HR: variants seen among roughly 807,000 people sequenced by gnomAD.
The protein encoded by HR is lysine-specific demethylase hairless.
A neutral mutation model predicts 128.6 loss-of-function variants in HR; 83 were observed. That is an observed-to-expected ratio of 0.65 (90% CI 0.54 to 0.77). The LOEUF is 0.77. Ranked by LOEUF, HR falls within the 30% of genes least tolerant of loss-of-function variation. The pLI, the probability that HR is intolerant of heterozygous loss-of-function variation, is 0.00. For missense variants in HR, 1,490 were observed against 1,574.6 expected, an observed-to-expected ratio of 0.95 and a Z score of 0.91; for synonymous variants, 681 against 658.2, an observed-to-expected ratio of 1.03 and a Z score of -0.53.
chr8:22,121,319 C>G, intron 9 of HR, 91 bp from the exon 10 acceptor site: 1 of 1,497,824 alleles, frequency 6.7e-7, no homozygotes, highest in South Asian at 1.2e-5. Context: ...TCCCTCTCTT[C>G]CTGGCTGAGC....
At chr8:22,126,805 A>G (rs551146591) in intron 3 of HR, among the ~76,000 whole-genome samples, 80 of 152,346 alleles carry the variant, frequency 5.3e-4, no homozygotes, top group African/African-American at 1.9e-3. Context: ...CTATGTCATT[A>G]TACTGCCACC....
chr8:22,123,954 A>G (rs1232868635), intron 5 of HR, 141 bp from the exon 6 acceptor site: 13 of 966,236 alleles, frequency 1.3e-5, no homozygotes, highest in Middle Eastern at 2.1e-4. Flanking sequence ...GAAGGGAGAC[A>G]GGCCCCTCGA....
At chr8:22,122,324 G>T (rs1039555408) in intron 8 of HR, among the ~76,000 whole-genome samples, 169 bp downstream of exon 8, 1 of 152,048 alleles carries the variant, frequency 6.6e-6, no homozygotes, top group East Asian at 1.9e-4. Flanking sequence ...AGGTGGGAGG[G>T]GCCAGCGCTG....
At position 22,125,341 on chromosome 8, in the gene HR, G is replaced by A. The variant is rs1015585608; in HGVS notation, c.1720C>T (p.Arg574Trp). ...DRLCRLLRRE[R>W]EALAWAQREG... ...CGCTGGGCCCAAGCCAGGGCCTCCC[G>A]CTCCCTCCGCAGCAGGCGGCACAGT... The change falls in exon 5 of 19, where the codon CGG (arginine) becomes TGG (tryptophan). Residue 574 changes from arginine (R) to tryptophan (W), a missense_variant. Arg to Trp is a moderately radical substitution (Grantham distance 101). Transcript: ENST00000381418. 19 of 1,595,750 alleles carry A rather than the reference G, an allele frequency of 1.2e-5. No homozygotes were observed. The highest frequency in any genetic ancestry group is 4.0e-5 in the African/African-American group (3 of 74,704).
chr8:22,119,617 A>AAC, intron 14 of HR, 143 bp downstream of exon 14: 19 of 181,304 alleles, frequency 1.0e-4, no homozygotes, highest in Non-Finnish European at 1.5e-4. Context: ...CAACAACAAC[A>AAC]AAAAAAAAAA....
At chr8:22,129,351 A>G (rs1170041863) in intron 1 of HR, 141 bp from the exon 2 acceptor site, 10 of 611,902 alleles carry the variant, frequency 1.6e-5, no homozygotes, top group Non-Finnish European at 2.4e-5. Context: ...ACTGGGCACC[A>G]TGCTGCCTCT....
chr8:22,120,879 G>C lies in HR; in HGVS notation c.2447C>G (p.Pro816Arg). Reference protein sequence around the residue: ...ERKIQEKALGPGLRAGPGLRK... With the variant: ...ERKIQEKALGRGLRAGPGLRK... The stretch of plus-strand genomic sequence containing the variant: ...CAGACCCGGGCCAGCTCGAAGCCCC[G>C]GCCCCAGGGCTTTCTCCTGGATCTT... The change falls in exon 11 of 19, where the codon CCG (proline) becomes CGG (arginine). Residue 816 changes from proline to arginine, a missense_variant. Physicochemically the swap from Pro to Arg is moderately radical, Grantham distance 103. Coordinates refer to ENST00000381418, the MANE Select transcript of HR (RefSeq NM_005144.5). 6.4e-7 allele frequency: 1 copy of C among 1,553,660 alleles called. No individual in the cohort carries two copies. The highest frequency in any genetic ancestry group is 8.7e-7 in the Non-Finnish European group (1 of 1,148,602).
intron 6 of HR, 44 bp from the exon 7 acceptor site, chr8:22,122,923 T>G (rs1174335636): frequency 1.3e-6 from 2 of 1,525,298 alleles, no homozygotes; most frequent in Non-Finnish European, 1.8e-6. Flanking sequence ...GAAATCAAGG[T>G]AATCACAGGT....
rs1283332728 is a variant in HR at position 22,125,513 on chromosome 8, A to C, written c.1557-9T>G. The C allele has an allele frequency of 6.2e-7, 1 of 1,613,148 alleles. No homozygotes were observed. The highest frequency in any genetic ancestry group is 8.5e-7 in the Non-Finnish European group (1 of 1,179,880). Reference sequence around the variant, plus strand: ...CCCCTCCCAGAGGCGATCTGGAGAGAGGGCAGGGGGAGGTGAGCAGGGAGC... The same window carrying C: ...CCCCTCCCAGAGGCGATCTGGAGAGCGGGCAGGGGGAGGTGAGCAGGGAGC... On this transcript the variant is annotated splice_polypyrimidine_tract_variant and intron_variant, in intron 4 of 18. Coordinates refer to ENST00000381418, the MANE Select transcript of HR (RefSeq NM_005144.5).
intron 6 of HR, 32 bp downstream of exon 6, chr8:22,123,617 T>TTGGGGGCCCCCCCCC: frequency 6.8e-6 from 2 of 292,092 alleles, no homozygotes; most frequent in Non-Finnish European, 1.2e-5. Context: ...GAGGGCTCCA[T>TTGGGGGCCCCCCCCC]CCCGCCCTCC....
At chr8:22,123,556 T>G in intron 6 of HR, 93 bp downstream of exon 6, 1 of 1,311,146 alleles carries the variant, frequency 7.6e-7, no homozygotes, top group Non-Finnish European at 1.0e-6. Flanking sequence ...GTAGGGGGCT[T>G]TTTGGGGAGA....
intron 2 of HR, chr8:22,128,162 G>T: frequency 1.9e-6 from 1 of 515,154 alleles, no homozygotes; most frequent in East Asian, 3.6e-5. Context: ...TCATCCCTGG[G>T]AGTGGGAGTC....
At chr8:22,122,708 T>A in intron 7 of HR, 82 bp downstream of exon 7, 1 of 1,488,910 alleles carries the variant, frequency 6.7e-7, no homozygotes, top group Non-Finnish European at 9.2e-7. Context: ...GGCATGGCAC[T>A]GGGGGGAGGG....
intron 12 of HR, 63 bp downstream of exon 12, chr8:22,120,279 C>G: frequency 6.2e-7 from 1 of 1,612,560 alleles, no homozygotes. Flanking sequence ...TGGGACTCCT[C>G]TGCCACCCGA....
Position 22,125,692 on chromosome 8 carries a change from A to G in HR, c.1446T>C (p.Leu482=), listed in dbSNP as rs1586382521. 1 of 1,613,934 alleles carries G rather than the reference A, an allele frequency of 6.2e-7. No homozygotes were observed. The highest frequency in any genetic ancestry group is 8.5e-7 in the Non-Finnish European group (1 of 1,180,000). Residue 482 remains leucine, a synonymous_variant, in exon 4 of 19, where the codon CTT becomes CTC. Coordinates refer to ENST00000381418, the MANE Select transcript of HR (RefSeq NM_005144.5). ...GGAGAGCCAGGCATGGTATGTCCTG[A>G]AGTCCCGGGTCCTGGAGACTGGCCT... ...DGQASLQDPG[L]QDIPCLALPA...
chr8:22,119,613 CAACAAA>C, intron 14 of HR, 141 bp downstream of exon 14: 1 of 1,043,088 alleles, frequency 9.6e-7, no homozygotes. Flanking sequence ...GTCTCAACAA[CAACAAA>C]AAAAAAAAAA....
chr8:22,123,322 T>C (rs1273327453), intron 6 of HR, among the ~76,000 whole-genome samples: 1 of 152,250 alleles, frequency 6.6e-6, no homozygotes, highest in African/African-American at 2.4e-5. Flanking sequence ...GCTTATCCTC[T>C]GAGTTTTTCT....
chr8:22,121,201 G>A lies in HR; in HGVS notation c.2231C>T (p.Ala744Val), dbSNP rs754908515. 1.4e-5 allele frequency: 22 copies of A among 1,613,796 alleles called. No homozygotes were observed. The African/African-American group carries it at 2.1e-4, about 16-fold the overall frequency. The stretch of plus-strand genomic sequence containing the variant: ...GGGCCCTCGGCCAGCACGGTCCTCT[G>A]CTGGGGTCTCAGCGGAATCGGGGGT... ...EETPDSAETP[A>V]EDRAGRGPLP... Residue 744 changes from alanine (A) to valine (V), a missense_variant, in exon 10 of 19, where the codon GCA (alanine) becomes GTA (valine). By Grantham distance (64) the Ala-to-Val change is moderately conservative. This residue lies in a region of HR where 1,060 missense variants were observed against 1,060.9 expected (regional missense o/e 1.00). Coordinates refer to ENST00000381418, the MANE Select transcript of HR (RefSeq NM_005144.5).
intron 14 of HR, among the ~76,000 whole-genome samples, 158 bp downstream of exon 14, chr8:22,119,602 C>G (rs1218320440): frequency 6.7e-6 from 1 of 150,374 alleles, no homozygotes; most frequent in Non-Finnish European, 1.5e-5. Context: ...AGCAAAACTC[C>G]GTCTCAACAA....
Sources: gnomAD v4.1 joint callset for allele counts (sites outside exome capture counted in the v4.1 genomes callset) on GRCh38, gnomAD v4.1.1 for gene constraint, gnomAD v4.1.1 regional missense constraint, MANE v1.5 for transcripts, NCBI Gene and HGNC (gene_info 2026-07-23, HGNC 2026-07-21) for gene names.